Variants in CRTC1 observed in about 807,000 individuals in gnomAD.
The protein encoded by CRTC1 is CREB-regulated transcription coactivator 1.
Under a neutral mutation model 66.1 loss-of-function variants are expected in CRTC1, and 18 were observed. The ratio of observed to expected loss-of-function variants is 0.27; its 90% CI spans 0.19 to 0.40. CRTC1 has a LOEUF of 0.40. Ranked by LOEUF, CRTC1 falls within the 10% of genes least tolerant of loss-of-function variation. The pLI is 1.00. For synonymous variants in CRTC1, 416 were observed against 398.8 expected, an observed-to-expected ratio of 1.04 and a Z score of -0.51; for missense variants, 669 against 887.9, an observed-to-expected ratio of 0.75 and a Z score of 3.13.
chr19:18,697,458 C>T (rs2053019791), intron 1 of CRTC1, among the ~76,000 whole-genome samples: 1 of 152,206 alleles, frequency 6.6e-6, no homozygotes, highest in South Asian at 2.1e-4. Flanking sequence ...TACAAGCGTG[C>T]ACCGCCATAC....
intron 1 of CRTC1, among the ~76,000 whole-genome samples, chr19:18,712,380 T>C (rs1568491000): frequency 6.6e-6 from 1 of 152,096 alleles, no homozygotes; most frequent in Non-Finnish European, 1.5e-5. Flanking sequence ...CACCTCAGCC[T>C]TCCTGGTAGT....
chr19:18,777,830 T>C lies in CRTC1; in HGVS notation c.*448T>C. 1 of 286,688 alleles carries C rather than the reference T, an allele frequency of 3.5e-6. No individual in the cohort carries two copies. 17.8% of individuals were successfully genotyped at this position (286,688 alleles called of 1,614,324 possible). ...TCTCACTGCCTTCCTTGGTTCCCGGTCCCCCAGCCCATCCGCCATCCCCAG... is the reference window on the plus strand; with the variant it reads ...TCTCACTGCCTTCCTTGGTTCCCGGCCCCCCAGCCCATCCGCCATCCCCAG... On this transcript the variant is annotated 3_prime_UTR_variant, in exon 14 of 14. Transcript: ENST00000321949. The surrounding 1 kb of genome is among the most constrained non-coding windows in gnomAD (Gnocchi z 5.5).
chr19:18,770,725 T>TTG (rs2054843779), intron 10 of CRTC1, among the ~76,000 whole-genome samples: 2 of 144,278 alleles, frequency 1.4e-5, no homozygotes, highest in East Asian at 4.2e-4. Context: ...ATGTGGACAT[T>TTG]TGTGTGTGGA....
At chr19:18,737,697 A>G (rs1478508050) in intron 1 of CRTC1, among the ~76,000 whole-genome samples, 1 of 151,736 alleles carries the variant, frequency 6.6e-6, no homozygotes. Context: ...CGCCTCTGTC[A>G]TGCCTGAGAC....
intron 1 of CRTC1, among the ~76,000 whole-genome samples, chr19:18,736,076 G>C: frequency 6.6e-6 from 1 of 152,226 alleles, no homozygotes; most frequent in Non-Finnish European, 1.5e-5. Flanking sequence ...ACCCAGCTGG[G>C]CTTCACGCCA....
intron 1 of CRTC1, among the ~76,000 whole-genome samples, chr19:18,697,208 C>T (rs2053012554): frequency 6.6e-6 from 1 of 152,144 alleles, no homozygotes. Context: ...GCCGGGGCCT[C>T]CTCCTTGGGG....
In CRTC1 at chr19:18,715,545, T is replaced by C. The variant is rs528795475; in HGVS notation, c.127-27365T>C. Reference sequence around the variant, plus strand: ...AGGGGTCAGGACTTGGACATACTTTTCTGGGAGTACGTCCCACAACAGAAA... The same window carrying C: ...AGGGGTCAGGACTTGGACATACTTTCCTGGGAGTACGTCCCACAACAGAAA... On this transcript the variant is annotated intron_variant, in intron 1 of 13. Coordinates refer to ENST00000321949, the MANE Select transcript of CRTC1 (RefSeq NM_015321.3). Among the ~76,000 whole-genome samples the C allele has an allele frequency of 2.0e-5, 3 of 152,340 alleles. No individual in the cohort carries two copies. The East Asian group carries it at 5.8e-4, about 29-fold the overall frequency.
chr19:18,715,230 C>A (rs2053480293), intron 1 of CRTC1, among the ~76,000 whole-genome samples: 1 of 152,176 alleles, frequency 6.6e-6, no homozygotes, highest in South Asian at 2.1e-4. Context: ...CCCTTCTCCT[C>A]TCTTTTTTTT....
At position 18,728,383 on chromosome 19, in the gene CRTC1, A is replaced by G. The variant is rs115218699; in HGVS notation, c.127-14527A>G. Among the ~76,000 whole-genome samples, 784 of 152,304 alleles carry G rather than the reference A, an allele frequency of 5.1e-3. 6 individuals are homozygous for G. The highest frequency in any genetic ancestry group is 0.016 in the African/African-American group (667 of 41,570). On this transcript the variant is annotated intron_variant, in intron 1 of 13. Coordinates refer to ENST00000321949, the MANE Select transcript of CRTC1 (RefSeq NM_015321.3). ...TGCATTGTGGGTAAGCAAAACCAGG[A>G]CAATGGGCTTGGGCTTAAAAGTATC...
At chr19:18,737,965 CAT>C (rs537475696) in intron 1 of CRTC1, among the ~76,000 whole-genome samples, 420 of 152,122 alleles carry the variant, frequency 2.8e-3, no homozygotes, top group African/African-American at 9.4e-3. Flanking sequence ...TTAATTGACT[CAT>C]ATTATCAGTG....
rs1388269201 is a variant in CRTC1 at position 18,753,569 on chromosome 19, C to G, written c.608C>G (p.Ala203Gly). The G allele has an allele frequency of 6.2e-7, 1 of 1,611,750 alleles. No homozygotes were observed. Among genetic ancestry groups the G allele is most frequent in the African/African-American group, 1.3e-5 (1 of 74,890 alleles). Residue 203 changes from alanine (A) to glycine (G), a missense_variant, in exon 6 of 14, where the codon GCA becomes GGA. Physicochemically the swap from Ala to Gly is moderately conservative, Grantham distance 60. Coordinates refer to ENST00000321949, the MANE Select transcript of CRTC1 (RefSeq NM_015321.3). ...GCAGACAAAAACCTTTCCAAGCAAG[C>G]ATGGGACACCAAGAAGGTAAGAGCC... ...SEADKNLSKQ[A>G]WDTKKTGSRP... is the part of the protein sequence containing the mutation.
chr19:18,771,555 C>A lies in CRTC1; in HGVS notation c.1425+9C>A. The A allele has an allele frequency of 6.2e-7, 1 of 1,602,154 alleles. No individual in the cohort carries two copies. The highest frequency in any genetic ancestry group is 2.3e-5 in the East Asian group (1 of 44,388). ...CAGGGAGCTCCCCGCAAGTAAGGGG[C>A]GCCGCCTCCCCCTTGGCCTGTGGGC... On this transcript the variant is annotated intron_variant, in intron 11 of 13. Transcript: ENST00000321949. The surrounding 1 kb of genome is among the most constrained non-coding windows in gnomAD (Gnocchi z 4.6).
chr19:18,711,038 C>T (rs542227746), intron 1 of CRTC1, among the ~76,000 whole-genome samples: 1 of 152,202 alleles, frequency 6.6e-6, no homozygotes, highest in Non-Finnish European at 1.5e-5. Flanking sequence ...GATGGGGAGT[C>T]TGCTGTGGCC....
intron 7 of CRTC1, 52 bp from the exon 8 acceptor site, chr19:18,759,956 G>GCCAGCCCCCTGTCCCCGCCA (rs754787204): frequency 0.096 from 115,391 of 1,199,874 alleles, 11,138 homozygotes; most frequent in African/African-American, 0.3. Flanking sequence ...TGTCCCCGCC[G>GCCAGCCCCCTGTCCCCGCCA]CCAGCCCCGC....
intron 1 of CRTC1, among the ~76,000 whole-genome samples, chr19:18,687,049 T>C (rs928694489): frequency 7.2e-5 from 10 of 138,694 alleles, no homozygotes; most frequent in African/African-American, 2.5e-4. Flanking sequence ...AGACTCTTGC[T>C]CTGTTGCCCA....
intron 6 of CRTC1, among the ~76,000 whole-genome samples, chr19:18,756,906 G>A (rs555329429): frequency 3.3e-5 from 5 of 152,266 alleles, no homozygotes; most frequent in South Asian, 4.2e-4. Context: ...GCAGAAATCC[G>A]GTAATGAAGC....
At chr19:18,734,048 G>A (rs1029667660) in intron 1 of CRTC1, among the ~76,000 whole-genome samples, 1 of 152,078 alleles carries the variant, frequency 6.6e-6, no homozygotes, top group Non-Finnish European at 1.5e-5. Flanking sequence ...GTTGCAGTGA[G>A]TCAAGATCGC....
intron 1 of CRTC1, among the ~76,000 whole-genome samples, chr19:18,723,022 C>T (rs953111768): frequency 6.6e-6 from 1 of 152,056 alleles, no homozygotes; most frequent in Non-Finnish European, 1.5e-5. Flanking sequence ...CTCACTACAT[C>T]CTCTGCCTCC....
chr19:18,770,599 T>C (rs561505797), intron 10 of CRTC1, among the ~76,000 whole-genome samples: 15 of 151,540 alleles, frequency 9.9e-5, no homozygotes, highest in African/African-American at 3.4e-4. Context: ...TGTGCACAAG[T>C]GGGTGGGTGC....
Sources: allele counts gnomAD v4.1 joint callset (sites outside exome capture counted in the v4.1 genomes callset), GRCh38; gene constraint gnomAD v4.1.1; non-coding constraint Gnocchi (gnomAD v3.1); transcripts MANE v1.5; gene names NCBI Gene and HGNC (gene_info 2026-07-23, HGNC 2026-07-21).